The following MTUS2 variants were observed in gnomAD, a reference collection of about 807,000 sequenced individuals.
The protein encoded by MTUS2 is microtubule-associated tumor suppressor candidate 2.
MTUS2 carries 40 observed loss-of-function variants against 114.1 expected under a neutral mutation model. That is an observed-to-expected ratio of 0.35 (90% CI 0.27 to 0.46). MTUS2 has a LOEUF of 0.46. MTUS2 is among the 20% of genes least tolerant of loss of function. The pLI, the probability that MTUS2 is intolerant of heterozygous loss-of-function variation, is 1.00. For synonymous variants in MTUS2, 688 were observed against 672.0 expected (o/e 1.02, Z -0.37); for missense variants, 1,679 against 1,705.4 (o/e 0.98, Z 0.27).
At position 29,503,276 on chromosome 13, in the gene MTUS2, C is replaced by A. The variant is rs1007575248; in HGVS notation, c.*70C>A. ...TCTCCACCCTGAGGGAGCACCGACC[C>A]GGTGCCGCCGGAGCTGGCCCTGTGC... On this transcript the variant is annotated 3_prime_UTR_variant, in exon 16 of 16. Coordinates refer to ENST00000612955, the MANE Select transcript of MTUS2 (RefSeq NM_001033602.4). 1 of 1,553,988 alleles carries A rather than the reference C, an allele frequency of 6.4e-7. No homozygotes were observed. The highest frequency in any genetic ancestry group is 1.4e-5 in the African/African-American group (1 of 73,658).
chr13:29,219,040 T>C (rs1348619961), intron 5 of MTUS2, among the ~76,000 whole-genome samples: 2 of 150,894 alleles, frequency 1.3e-5, no homozygotes, highest in East Asian at 1.9e-4. Flanking sequence ...GTTACATATG[T>C]ATACATGTGC....
intron 5 of MTUS2, among the ~76,000 whole-genome samples, chr13:29,220,179 T>A (rs1344601323): frequency 5.9e-5 from 9 of 152,064 alleles, no homozygotes; most frequent in Admixed American, 5.9e-4. Flanking sequence ...TGTTTTTTTT[T>A]AAGTAGAGAT....
intron 2 of MTUS2, among the ~76,000 whole-genome samples, chr13:28,947,700 T>C (rs1197111825): frequency 6.6e-6 from 1 of 152,210 alleles, no homozygotes; most frequent in Admixed American, 6.5e-5. Context: ...ACCTTTCAGG[T>C]CTTACCCAGT....
chr13:29,077,688 A>G (rs1158476552), intron 4 of MTUS2, among the ~76,000 whole-genome samples: 1 of 152,216 alleles, frequency 6.6e-6, no homozygotes, highest in Non-Finnish European at 1.5e-5. Flanking sequence ...TGAATTTTCC[A>G]GAACACCTTG....
intron 6 of MTUS2, among the ~76,000 whole-genome samples, chr13:29,315,393 C>T (rs1293926526): frequency 6.6e-6 from 1 of 152,142 alleles, no homozygotes; most frequent in African/African-American, 2.4e-5. Context: ...TTGATCACCG[C>T]ATATTGTTTA....
chr13:29,424,986 G>T (rs1876402990), intron 8 of MTUS2, among the ~76,000 whole-genome samples: 2 of 152,100 alleles, frequency 1.3e-5, no homozygotes, highest in Admixed American at 1.3e-4. Flanking sequence ...TATGAGCTAG[G>T]TATTGGATAC....
intron 2 of MTUS2, among the ~76,000 whole-genome samples, chr13:28,983,405 T>C (rs1884444661): frequency 6.6e-6 from 1 of 152,204 alleles, no homozygotes; most frequent in East Asian, 1.9e-4. Flanking sequence ...CAAGTTGAGG[T>C]GTGCTGTAAA....
chr13:29,127,967 A>G (rs748665178), intron 5 of MTUS2, among the ~76,000 whole-genome samples: 84 of 152,244 alleles, frequency 5.5e-4, no homozygotes, highest in Admixed American at 8.5e-4. Context: ...CTGCTTTTCC[A>G]GAGCTGCAGG....
intron 4 of MTUS2, among the ~76,000 whole-genome samples, chr13:29,096,263 T>A (rs1890175827): frequency 6.6e-6 from 1 of 152,240 alleles, no homozygotes; most frequent in Non-Finnish European, 1.5e-5. Flanking sequence ...AAGAATGTTT[T>A]AGCAGGGCTG....
At chr13:28,850,220 C>T (rs76928909) in intron 2 of MTUS2, among the ~76,000 whole-genome samples, 2,458 of 152,282 alleles carry the variant, frequency 0.016, 76 homozygotes, top group African/African-American at 0.056. Flanking sequence ...TTATATTGTC[C>T]GCAAACTCAA....
At position 29,026,536 on chromosome 13, in the gene MTUS2, A is replaced by G. The variant is rs1158840180; in HGVS notation, c.1838A>G (p.Glu613Gly). The change falls in exon 3 of 16, where the codon GAG becomes GGG. Residue 613 changes from glutamate (E) to glycine (G), a missense_variant. Physicochemically the swap from Glu to Gly is moderately conservative, Grantham distance 98. Around this residue, in one of 3 missense-constraint regions of MTUS2, gnomAD observed 843 missense variants for 770.8 expected, o/e 1.09. Coordinates refer to ENST00000612955, the MANE Select transcript of MTUS2 (RefSeq NM_001033602.4). ...THSKDTPSSQ[E>G]GMENYQVEKT... The stretch of plus-strand genomic sequence containing the variant: ...TCCAAGGACACACCTTCCTCGCAGG[A>G]GGGAATGGAGAACTATCAGGTTGAA... 6.2e-7 allele frequency: 1 copy of G among 1,613,936 alleles called. No homozygotes were observed. The highest frequency in any genetic ancestry group is 1.1e-5 in the South Asian group (1 of 91,068).
intron 2 of MTUS2, among the ~76,000 whole-genome samples, chr13:29,011,153 T>C (rs1447514877): frequency 1.3e-5 from 2 of 152,224 alleles, no homozygotes; most frequent in Non-Finnish European, 2.9e-5. Flanking sequence ...TGAGCGTCTT[T>C]GATTAAAATG....
chr13:29,081,333 G>A (rs934708009), intron 4 of MTUS2, among the ~76,000 whole-genome samples: 5 of 152,102 alleles, frequency 3.3e-5, no homozygotes, highest in Non-Finnish European at 7.4e-5. Flanking sequence ...AAACACAGGA[G>A]TCTTACTATT....
intron 4 of MTUS2, among the ~76,000 whole-genome samples, chr13:29,067,606 G>A (rs989342791): frequency 1.3e-5 from 2 of 152,158 alleles, no homozygotes; most frequent in Admixed American, 6.5e-5. Context: ...GAGAATAGAC[G>A]GCTGTTTCTA....
intron 6 of MTUS2, among the ~76,000 whole-genome samples, chr13:29,316,477 C>A (rs1363900523): frequency 6.6e-6 from 1 of 152,156 alleles, no homozygotes; most frequent in Non-Finnish European, 1.5e-5. Context: ...CTCTTAGTCA[C>A]CGCCTTCCTG....
At chr13:29,009,914 G>T (rs898246294) in intron 2 of MTUS2, among the ~76,000 whole-genome samples, 7 of 151,888 alleles carry the variant, frequency 4.6e-5, no homozygotes, top group African/African-American at 1.7e-4. Flanking sequence ...GAGTGTGGAG[G>T]ATAAAAAGCT....
At chr13:29,223,581 A>G (rs144415110) in intron 5 of MTUS2, among the ~76,000 whole-genome samples, 36 of 152,350 alleles carry the variant, frequency 2.4e-4, no homozygotes, top group Non-Finnish European at 3.8e-4. Context: ...CTGACACTCA[A>G]TAAAGCACCT....
At chr13:29,442,634 A>ACATGGTATCCCC (rs11273920) in intron 9 of MTUS2, among the ~76,000 whole-genome samples, 145,511 of 152,250 alleles carry the variant, frequency 0.96, 69,825 homozygotes, top group South Asian at 1. Flanking sequence ...CCAAACCAGC[A>ACATGGTATCCCC]CAGGGAGGCA....
chr13:28,910,925 G>C (rs1438314246), intron 2 of MTUS2, among the ~76,000 whole-genome samples: 1 of 123,878 alleles, frequency 8.1e-6, no homozygotes, highest in Non-Finnish European at 1.6e-5. Context: ...GTGCAGACTG[G>C]AGTACAGTGG....
Sources: allele counts gnomAD v4.1 joint callset (sites outside exome capture counted in the v4.1 genomes callset), GRCh38; gene constraint gnomAD v4.1.1; regional missense constraint gnomAD v4.1.1; transcripts MANE v1.5; gene names NCBI Gene and HGNC (gene_info 2026-07-23, HGNC 2026-07-21).